Variants in VSTM4 observed in about 807,000 individuals in gnomAD.
VSTM4 encodes V-set and transmembrane domain containing 4.
A neutral mutation model predicts 36.4 loss-of-function variants in VSTM4; 20 were observed. That is an observed-to-expected ratio of 0.55 (90% CI 0.39 to 0.80). The LOEUF (loss-of-function observed/expected upper bound fraction) is 0.80. VSTM4 is among the 30% of genes least tolerant of loss of function. VSTM4 has a pLI of 0.00. For missense variants in VSTM4, 392 were observed against 404.5 expected, an observed-to-expected ratio of 0.97 and a Z score of 0.26; for synonymous variants, 182 against 173.9, an observed-to-expected ratio of 1.05 and a Z score of -0.37.
At chr10:49,021,143 C>A (rs140569700) in intron 7 of VSTM4, among the ~76,000 whole-genome samples, 1 of 149,510 alleles carries the variant, frequency 6.7e-6, no homozygotes, top group Non-Finnish European at 1.5e-5. Context: ...GTGATATTAA[C>A]AATTAAACCT....
At chr10:49,066,540 ACT>A (rs1392796548) in intron 4 of VSTM4, among the ~76,000 whole-genome samples, 1 of 152,138 alleles carries the variant, frequency 6.6e-6, no homozygotes. Context: ...ATTCATTCAT[ACT>A]CTGTTTATAT....
intron 4 of VSTM4, among the ~76,000 whole-genome samples, chr10:49,073,244 T>G (rs1351536076): frequency 1.3e-5 from 2 of 152,286 alleles, no homozygotes; most frequent in Middle Eastern, 3.4e-3. Context: ...AGCAACCTTC[T>G]TGGGCACCAT....
At chr10:49,028,288 C>A (rs892376749) in intron 7 of VSTM4, among the ~76,000 whole-genome samples, 9 of 152,194 alleles carry the variant, frequency 5.9e-5, no homozygotes, top group African/African-American at 1.7e-4. Context: ...CAGTGATGAA[C>A]CTTCCTGGAC....
At chr10:49,089,236 G>A (rs1844428751) in intron 2 of VSTM4, among the ~76,000 whole-genome samples, 1 of 152,176 alleles carries the variant, frequency 6.6e-6, no homozygotes, top group Non-Finnish European at 1.5e-5. Context: ...AACAGTGCCT[G>A]AGACCTACTG....
At chr10:49,057,630 G>A (rs1843804368) in intron 5 of VSTM4, among the ~76,000 whole-genome samples, 1 of 152,174 alleles carries the variant, frequency 6.6e-6, no homozygotes, top group Non-Finnish European at 1.5e-5. Flanking sequence ...CTGCCTGGAG[G>A]GCTGTGGAAG....
chr10:49,081,812 T>C (rs1844283690), intron 3 of VSTM4, among the ~76,000 whole-genome samples: 1 of 152,186 alleles, frequency 6.6e-6, no homozygotes, highest in Admixed American at 6.5e-5. Context: ...ATGGCCACTC[T>C]CTGTTTTGTT....
chr10:49,037,382 G>A (rs1368417017), intron 7 of VSTM4, among the ~76,000 whole-genome samples: 5 of 152,216 alleles, frequency 3.3e-5, no homozygotes, highest in Admixed American at 6.5e-5. Flanking sequence ...AGTCAGGGCC[G>A]GAGATTCTAC....
At chr10:49,102,526 C>A in intron 2 of VSTM4, 1 of 985,422 alleles carries the variant, frequency 1.0e-6, no homozygotes. Context: ...GTCTACAGTG[C>A]TAAAAACAGA....
At chr10:49,080,438 G>A (rs1844258587) in intron 3 of VSTM4, among the ~76,000 whole-genome samples, 1 of 152,250 alleles carries the variant, frequency 6.6e-6, no homozygotes, top group Admixed American at 6.5e-5. Context: ...TGGAGTCTAT[G>A]AGATCTTCCT....
chr10:49,048,421 C>T (rs1182188597), intron 6 of VSTM4, 57 bp downstream of exon 6: 2 of 1,472,638 alleles, frequency 1.4e-6, no homozygotes, highest in Non-Finnish European at 1.8e-6. Flanking sequence ...GAACCCCAGA[C>T]CCACAGGGAT....
intron 4 of VSTM4, among the ~76,000 whole-genome samples, chr10:49,076,368 C>A (rs544751377): frequency 6.6e-6 from 1 of 152,198 alleles, no homozygotes; most frequent in Non-Finnish European, 1.5e-5. Flanking sequence ...CTGCCTCCTC[C>A]ATGTCGCAGA....
At chr10:49,063,562 C>T (rs1003764990) in intron 5 of VSTM4, among the ~76,000 whole-genome samples, 3 of 152,168 alleles carry the variant, frequency 2.0e-5, no homozygotes, top group South Asian at 2.1e-4. Flanking sequence ...TCTTGGTCTG[C>T]TTCTATGGGC....
In VSTM4 at chr10:49,021,445, A is replaced by T. The variant is rs187689378; in HGVS notation, c.838-1670T>A. Among the ~76,000 whole-genome samples the T allele has an allele frequency of 4.5e-3, 682 of 152,124 alleles. 9 individuals carry two copies. The highest frequency in any genetic ancestry group is 0.015 in the African/African-American group (641 of 41,424). On this transcript the variant is annotated intron_variant, in intron 7 of 7. Transcript: ENST00000332853. ...GCAAAACAGTCTCTAAATAAAATTT[A>T]AAAAAACTGAAAAAATGAGGAAGAT... is the stretch of plus-strand genomic sequence containing the variant.
intron 5 of VSTM4, among the ~76,000 whole-genome samples, chr10:49,054,963 C>T (rs923301636): frequency 5.3e-5 from 8 of 152,188 alleles, no homozygotes; most frequent in South Asian, 4.1e-4. Flanking sequence ...CCCGGACATA[C>T]GAATTACAAA....
chr10:49,061,627 A>G (rs1843879119), intron 5 of VSTM4, among the ~76,000 whole-genome samples: 1 of 152,176 alleles, frequency 6.6e-6, no homozygotes, highest in Non-Finnish European at 1.5e-5. Flanking sequence ...TTATCATCTA[A>G]TGTCCATCTT....
At chr10:49,103,394 CA>C in intron 2 of VSTM4, 2 of 450,938 alleles carry the variant, frequency 4.4e-6, no homozygotes, top group Non-Finnish European at 5.9e-6. Flanking sequence ...CATAAAATGA[CA>C]GGAAGGATTT....
At chr10:49,086,687 C>T (rs1844376647) in intron 2 of VSTM4, among the ~76,000 whole-genome samples, 1 of 152,120 alleles carries the variant, frequency 6.6e-6, no homozygotes. Flanking sequence ...AGAAAACAGA[C>T]TGATGAAAAA....
intron 2 of VSTM4, among the ~76,000 whole-genome samples, chr10:49,104,053 C>T (rs575775205): frequency 6.6e-6 from 1 of 152,268 alleles, no homozygotes; most frequent in East Asian, 1.9e-4. Context: ...AATCTCAGCA[C>T]TTTGGGAGGC....
intron 3 of VSTM4, 78 bp downstream of exon 3, chr10:49,085,877 C>A: frequency 3.3e-6 from 3 of 914,640 alleles, no homozygotes; most frequent in Non-Finnish European, 4.9e-6. Flanking sequence ...TACCCTAGAA[C>A]TTAAAGTATA....
Sources: allele counts gnomAD v4.1 joint callset (sites outside exome capture counted in the v4.1 genomes callset), GRCh38; gene constraint gnomAD v4.1.1; transcripts MANE v1.5; gene names NCBI Gene and HGNC (gene_info 2026-07-23, HGNC 2026-07-21).